The following PRIM2 variants were observed in gnomAD, a reference collection of about 807,000 sequenced individuals.
The protein encoded by PRIM2 is DNA primase subunit 2.
Under a neutral mutation model 67.3 loss-of-function variants are expected in PRIM2, and 39 were observed. The ratio of observed to expected loss-of-function variants is 0.58; its 90% CI spans 0.45 to 0.76. The LOEUF is 0.76. PRIM2 is among the 30% of genes least tolerant of loss of function. The pLI is 0.00. For synonymous variants in PRIM2, 143 were observed against 198.7 expected (o/e 0.72, Z 2.36); for missense variants, 398 against 598.7 (o/e 0.66, Z 3.50).
At chr6:57,641,402 AC>A (rs1366261795) in intron 13 of PRIM2, among the ~76,000 whole-genome samples, 3 of 152,224 alleles carry the variant, frequency 2.0e-5, no homozygotes, top group Non-Finnish European at 4.4e-5. Context: ...ATCTAATTAA[AC>A]TAAAGAGCTT....
intron 5 of PRIM2, among the ~76,000 whole-genome samples, chr6:57,327,413 CTG>C (rs1350480853): frequency 6.6e-6 from 1 of 152,192 alleles, no homozygotes; most frequent in Admixed American, 6.5e-5. Context: ...GACATATCCA[CTG>C]TAGCAAGGAA....
chr6:57,475,638 G>A (rs1773459137), intron 7 of PRIM2, among the ~76,000 whole-genome samples: 3 of 152,162 alleles, frequency 2.0e-5, no homozygotes, highest in Non-Finnish European at 4.4e-5. Flanking sequence ...GCATTGTTTT[G>A]ACTGCCACAG....
intron 5 of PRIM2, among the ~76,000 whole-genome samples, chr6:57,371,403 A>C (rs1769553290): frequency 6.6e-6 from 1 of 152,114 alleles, no homozygotes; most frequent in African/African-American, 2.4e-5. Flanking sequence ...GGATTTGTTT[A>C]GTTAGAACCT....
intron 5 of PRIM2, among the ~76,000 whole-genome samples, chr6:57,356,230 C>T (rs1185597190): frequency 2.4e-4 from 37 of 152,270 alleles, no homozygotes; most frequent in Non-Finnish European, 4.6e-4. Context: ...TTTTTCTTCT[C>T]TGACTTAGTT....
chr6:57,588,084 A>C (rs1382320543), intron 10 of PRIM2, among the ~76,000 whole-genome samples: 26 of 152,300 alleles, frequency 1.7e-4, no homozygotes, highest in African/African-American at 5.5e-4. Context: ...GAAGTGGGCA[A>C]AGGAACTCCC....
At chr6:57,425,187 C>A (rs1323165633) in intron 7 of PRIM2, among the ~76,000 whole-genome samples, 1 of 151,978 alleles carries the variant, frequency 6.6e-6, no homozygotes. Context: ...CCTTTTTGAA[C>A]AAATAATTAG....
intron 11 of PRIM2, among the ~76,000 whole-genome samples, chr6:57,605,669 AT>A (rs1182018317): frequency 2.6e-5 from 4 of 152,176 alleles, no homozygotes; most frequent in African/African-American, 7.2e-5. Context: ...GTTTATTAAA[AT>A]ATCTAAAATT....
intron 13 of PRIM2, among the ~76,000 whole-genome samples, chr6:57,636,714 A>AT (rs1392363162): frequency 2.7e-4 from 41 of 152,320 alleles, no homozygotes; most frequent in Admixed American, 2.6e-3. Flanking sequence ...TTAGTGGTTA[A>AT]TAAAAAAAGA....
At chr6:57,297,114 A>T in the PRIM2 span, among the ~76,000 whole-genome samples, 1 of 152,346 alleles carries the variant, frequency 6.6e-6, no homozygotes, top group South Asian at 2.1e-4. Flanking sequence ...TTTTAACAGT[A>T]GAATTCTAAT....
At chr6:57,629,092 A>G (rs1777002442) in intron 12 of PRIM2, among the ~76,000 whole-genome samples, 1 of 152,184 alleles carries the variant, frequency 6.6e-6, no homozygotes, top group South Asian at 2.1e-4. Flanking sequence ...CAACATCAAA[A>G]TAGAGTTACC....
At chr6:57,562,705 G>A (rs1432265616) in intron 10 of PRIM2, among the ~76,000 whole-genome samples, 50 of 152,264 alleles carry the variant, frequency 3.3e-4, no homozygotes, top group African/African-American at 1.2e-3. Context: ...TCCTCCTGTC[G>A]TCTTTCCAAT....
At chr6:57,426,980 G>GT (rs1387535697) in intron 7 of PRIM2, among the ~76,000 whole-genome samples, 2 of 152,284 alleles carry the variant, frequency 1.3e-5, no homozygotes, top group Non-Finnish European at 2.9e-5. Flanking sequence ...TTGTGATCTA[G>GT]AGTAAGCTAG....
chr6:57,557,605 T>C (rs1431096353), intron 10 of PRIM2, among the ~76,000 whole-genome samples: 11 of 151,534 alleles, frequency 7.3e-5, no homozygotes, highest in Admixed American at 2.6e-4. Context: ...CAACAGACAC[T>C]GGAGCTTCCT....
the PRIM2 span, among the ~76,000 whole-genome samples, chr6:57,303,086 C>T: frequency 2.0e-5 from 3 of 152,042 alleles, no homozygotes; most frequent in Admixed American, 2.0e-4. Flanking sequence ...ATGTTTATAG[C>T]TAATATGTCC....
chr6:57,612,500 A>AGT (rs1776684877), intron 12 of PRIM2, among the ~76,000 whole-genome samples: 1 of 152,186 alleles, frequency 6.6e-6, no homozygotes, highest in Non-Finnish European at 1.5e-5. Context: ...AAAGCACTAT[A>AGT]GTGTATAATT....
rs1768462877 is a variant in PRIM2 at position 57,341,009 on chromosome 6, C to G, written c.459+14964C>G. 2.0e-5 allele frequency among the ~76,000 whole-genome samples: 3 copies of G among 152,016 alleles called. No individual in the cohort carries two copies. The South Asian group carries it at 6.2e-4, about 32-fold the overall frequency. On this transcript the variant is annotated intron_variant, in intron 5 of 13. Transcript: ENST00000615550. Reference sequence around the variant, plus strand: ...ATTTTATTTATTTATAAATTTATATCCTGTTTCACTTTGCTAATCATTTGA... The same window carrying G: ...ATTTTATTTATTTATAAATTTATATGCTGTTTCACTTTGCTAATCATTTGA...
At chr6:57,593,352 G>A (rs1302605130) in intron 10 of PRIM2, among the ~76,000 whole-genome samples, 95 of 151,876 alleles carry the variant, frequency 6.3e-4, no homozygotes, top group African/African-American at 2.1e-3. Context: ...ACCCAGGCTG[G>A]AGTGCAATGG....
At chr6:57,341,459 C>G (rs906403282) in intron 5 of PRIM2, among the ~76,000 whole-genome samples, 1 of 152,136 alleles carries the variant, frequency 6.6e-6, no homozygotes, top group Non-Finnish European at 1.5e-5. Context: ...ACTTTCCAGG[C>G]AGAGACCTTT....
intron 5 of PRIM2, among the ~76,000 whole-genome samples, chr6:57,370,256 G>A (rs1252167329): frequency 6.6e-6 from 1 of 152,116 alleles, no homozygotes; most frequent in Non-Finnish European, 1.5e-5. Flanking sequence ...TAGGTATGCA[G>A]CAGGTAATCT....
Sources: allele counts gnomAD v4.1 joint callset (sites outside exome capture counted in the v4.1 genomes callset), GRCh38; gene constraint gnomAD v4.1.1; transcripts MANE v1.5; gene names NCBI Gene and HGNC (gene_info 2026-07-23, HGNC 2026-07-21).